AGPS: variants seen among roughly 807,000 people sequenced by gnomAD.
AGPS encodes alkylglycerone phosphate synthase.
AGPS carries 26 observed loss-of-function variants against 90.7 expected under a neutral mutation model. The ratio of observed to expected loss-of-function variants is 0.29; its 90% CI spans 0.21 to 0.40. The LOEUF (loss-of-function observed/expected upper bound fraction) is 0.40, where lower values mean the gene tolerates loss of function less well. Ranked by LOEUF, AGPS falls within the 10% of genes least tolerant of loss-of-function variation. The pLI is 1.00. For missense variants in AGPS, 540 were observed against 816.1 expected (o/e 0.66, Z 4.12); for synonymous variants, 294 against 285.3 (o/e 1.03, Z -0.31).
At chr2:177,490,974 G>A (rs1236774496) in intron 11 of AGPS, among the ~76,000 whole-genome samples, 1 of 148,494 alleles carries the variant, frequency 6.7e-6, no homozygotes, top group East Asian at 2.0e-4. Context: ...TCCTGCCTCA[G>A]CCTCCCAAGT....
intron 10 of AGPS, 39 bp from the exon 11 acceptor site, chr2:177,482,020 C>A: frequency 6.5e-7 from 1 of 1,546,530 alleles, no homozygotes; most frequent in Non-Finnish European, 8.8e-7. Context: ...AGAAAATTGT[C>A]ATGTGATGTA....
At chr2:177,393,207 C>G in intron 1 of AGPS, 158 bp downstream of exon 1, 3 of 985,132 alleles carry the variant, frequency 3.0e-6, no homozygotes, top group Non-Finnish European at 3.6e-6. Flanking sequence ...AGAGAGTGGA[C>G]TAGACCCTGG....
At chr2:177,493,976 A>G (rs1238221945) in intron 12 of AGPS, among the ~76,000 whole-genome samples, 2 of 152,222 alleles carry the variant, frequency 1.3e-5, no homozygotes, top group East Asian at 3.8e-4. Flanking sequence ...GTTGAAGACA[A>G]CACCTAGACT....
At chr2:177,525,595 C>T (rs2079078379) in intron 19 of AGPS, among the ~76,000 whole-genome samples, 1 of 152,074 alleles carries the variant, frequency 6.6e-6, no homozygotes, top group Non-Finnish European at 1.5e-5. Flanking sequence ...GTGAGAGCAG[C>T]TGAATCATAT....
intron 1 of AGPS, among the ~76,000 whole-genome samples, chr2:177,414,865 A>G (rs1024957609): frequency 1.4e-5 from 2 of 146,736 alleles, no homozygotes; most frequent in African/African-American, 2.5e-5. Context: ...TACTAATTTC[A>G]TCTGCCTATC....
At chr2:177,478,430 A>G (rs1687844368) in intron 10 of AGPS, among the ~76,000 whole-genome samples, 1 of 152,112 alleles carries the variant, frequency 6.6e-6, no homozygotes, top group African/African-American at 2.4e-5. Context: ...TCTTTCTTTG[A>G]ATAATTTTTT....
At chr2:177,434,855 C>T (rs1407572666) in intron 3 of AGPS, among the ~76,000 whole-genome samples, 1 of 151,282 alleles carries the variant, frequency 6.6e-6, no homozygotes, top group African/African-American at 2.4e-5. Flanking sequence ...AATGTAAAAT[C>T]ACATTTAGTA....
chr2:177,512,778 A>T (rs1688912336), intron 16 of AGPS, among the ~76,000 whole-genome samples: 2 of 152,246 alleles, frequency 1.3e-5, no homozygotes, highest in Admixed American at 1.3e-4. Flanking sequence ...GTTTGTCTTC[A>T]GTAGATCTTT....
At chr2:177,498,829 G>C (rs1688481401) in intron 13 of AGPS, among the ~76,000 whole-genome samples, 1 of 151,520 alleles carries the variant, frequency 6.6e-6, no homozygotes, top group African/African-American at 2.4e-5. Flanking sequence ...CCATTTTAGT[G>C]CATCTCAGTC....
intron 2 of AGPS, among the ~76,000 whole-genome samples, chr2:177,422,676 T>C (rs1226725152): frequency 6.6e-6 from 1 of 152,212 alleles, no homozygotes; most frequent in Non-Finnish European, 1.5e-5. Context: ...AAATATATAC[T>C]AAACAAACAA....
chr2:177,420,559 T>C (rs975552789), intron 2 of AGPS, among the ~76,000 whole-genome samples: 3 of 151,724 alleles, frequency 2.0e-5, no homozygotes, highest in African/African-American at 7.2e-5. Flanking sequence ...TTTGTGTGTG[T>C]GTATATATAT....
intron 10 of AGPS, among the ~76,000 whole-genome samples, chr2:177,480,954 G>A (rs909827064): frequency 2.6e-5 from 4 of 151,924 alleles, no homozygotes; most frequent in African/African-American, 9.7e-5. Flanking sequence ...GATCATACAA[G>A]TCATAAGTTA....
chr2:177,438,038 T>C (rs1686468724), intron 5 of AGPS, among the ~76,000 whole-genome samples: 1 of 152,244 alleles, frequency 6.6e-6, no homozygotes, highest in Non-Finnish European at 1.5e-5. Context: ...TATTCTCCAA[T>C]AGAAGAAATA....
At chr2:177,393,445 G>A in intron 1 of AGPS, 1 of 985,410 alleles carries the variant, frequency 1.0e-6, no homozygotes, top group Non-Finnish European at 1.2e-6. Flanking sequence ...TGTACTAGAT[G>A]ATAGATCATA....
chr2:177,393,677 C>T, intron 1 of AGPS: 1 of 631,352 alleles, frequency 1.6e-6, no homozygotes, highest in Non-Finnish European at 2.0e-6. Context: ...TAACCAGAAG[C>T]TAAAAGACAA....
In AGPS at chr2:177,420,560, G is replaced by GTA. The variant is rs199979157; in HGVS notation, c.350+212_350+213dup. 0.014 allele frequency among the ~76,000 whole-genome samples: 2,051 copies of GTA among 151,228 alleles called. 31 individuals carry two copies. The highest frequency in any genetic ancestry group is 0.056 in the South Asian group (269 of 4,792). On this transcript the variant is annotated intron_variant, in intron 2 of 19. Transcript: ENST00000264167. ...TCTAAATATATGTATTTGTGTGTGTGTATATATATATTATATGTCTTAAAA... is the reference window on the plus strand; with the variant it reads ...TCTAAATATATGTATTTGTGTGTGTGTATATATATATATTATATGTCTTAAAA...
intron 10 of AGPS, among the ~76,000 whole-genome samples, chr2:177,474,522 C>T (rs1419904673): frequency 1.3e-5 from 2 of 152,186 alleles, no homozygotes; most frequent in Admixed American, 6.5e-5. Flanking sequence ...AGTGCACAGG[C>T]GGGCCCCCAG....
chr2:177,436,716 A>G (rs972561409), intron 3 of AGPS, 48 bp from the exon 4 acceptor site: 3 of 1,590,942 alleles, frequency 1.9e-6, no homozygotes, highest in African/African-American at 1.3e-5. Flanking sequence ...GAAGTACCCA[A>G]AATTCGTTGT....
intron 2 of AGPS, among the ~76,000 whole-genome samples, chr2:177,425,299 A>C (rs1686045286): frequency 6.6e-6 from 1 of 152,078 alleles, no homozygotes; most frequent in South Asian, 2.1e-4. Flanking sequence ...GCATATGCCT[A>C]CCCAGTTCTC....
Sources: allele counts gnomAD v4.1 joint callset (sites outside exome capture counted in the v4.1 genomes callset), GRCh38; gene constraint gnomAD v4.1.1; transcripts MANE v1.5; gene names NCBI Gene and HGNC (gene_info 2026-07-23, HGNC 2026-07-21).